The following PTPN9 variants were observed in gnomAD, a reference collection of about 807,000 sequenced individuals.
PTPN9 encodes protein tyrosine phosphatase non-receptor type 9.
PTPN9 carries 26 observed loss-of-function variants against 69.8 expected under a neutral mutation model. The observed-to-expected ratio is 0.37, with a 90% CI of 0.27 to 0.52. The LOEUF (loss-of-function observed/expected upper bound fraction) is 0.52, where lower values mean the gene tolerates loss of function less well. PTPN9 is among the 20% of genes least tolerant of loss of function. The pLI is 0.91. For missense variants in PTPN9, 549 were observed against 740.3 expected, an observed-to-expected ratio of 0.74 and a Z score of 3.00; for synonymous variants, 274 against 272.5, an observed-to-expected ratio of 1.01 and a Z score of -0.05.
intron 1 of PTPN9, among the ~76,000 whole-genome samples, chr15:75,567,174 C>T (rs1281240365): frequency 1.3e-5 from 2 of 152,022 alleles, no homozygotes; most frequent in East Asian, 3.9e-4. Context: ...CACCACCATG[C>T]CTGGCTAATT....
intron 1 of PTPN9, among the ~76,000 whole-genome samples, chr15:75,570,535 C>G (rs1450836587): frequency 6.6e-6 from 1 of 152,070 alleles, no homozygotes; most frequent in Non-Finnish European, 1.5e-5. Flanking sequence ...TTTGGGAGGC[C>G]GAGGCAGGAG....
intron 1 of PTPN9, among the ~76,000 whole-genome samples, chr15:75,528,200 A>T (rs1297526094): frequency 1.3e-5 from 2 of 151,932 alleles, no homozygotes; most frequent in Admixed American, 1.3e-4. Context: ...GGGGAGGAAA[A>T]TTTTCATTTT....
intron 1 of PTPN9, among the ~76,000 whole-genome samples, chr15:75,537,732 C>T (rs1251819541): frequency 4.4e-5 from 3 of 68,204 alleles, no homozygotes. Context: ...TCCAGCAGGG[C>T]AACAGAGGGA....
chr15:75,471,595 T>G (rs1446542975), intron 10 of PTPN9, among the ~76,000 whole-genome samples: 1 of 130,860 alleles, frequency 7.6e-6, no homozygotes, highest in Non-Finnish European at 1.6e-5. Flanking sequence ...AAAGTGAGAC[T>G]CTGTCTCAAA....
At position 75,578,947 on chromosome 15, in the gene PTPN9, C is replaced by A; in HGVS notation, c.-171G>T. ...CGGCCGCAAACGCCGCTTCTGCTTC[C>A]TTAAGAAAAATCTCTCCGAACTGCC... On this transcript the variant is annotated 5_prime_UTR_variant, in exon 1 of 13. The change creates a new upstream start codon in the 5' untranslated region. Coordinates refer to ENST00000618819, the MANE Select transcript of PTPN9 (RefSeq NM_002833.4). 2 of 314,840 alleles carry A rather than the reference C, an allele frequency of 6.4e-6. No individual in the cohort carries two copies. The highest frequency in any genetic ancestry group is 5.1e-5 in the Admixed American group (1 of 19,646). 19.5% of individuals were successfully genotyped at this position (314,840 alleles called of 1,614,324 possible).
intron 1 of PTPN9, among the ~76,000 whole-genome samples, chr15:75,563,631 A>G (rs2075114156): frequency 6.6e-6 from 1 of 152,196 alleles, no homozygotes; most frequent in Non-Finnish European, 1.5e-5. Context: ...TTATGCAGTC[A>G]ACTGCTGATG....
intron 7 of PTPN9, among the ~76,000 whole-genome samples, chr15:75,494,043 C>T (rs1373513508): frequency 6.6e-6 from 1 of 151,222 alleles, no homozygotes; most frequent in Non-Finnish European, 1.5e-5. Flanking sequence ...TATATTTTGA[C>T]AGCGTTGAGT....
chr15:75,478,722 C>A (rs1021950606), intron 9 of PTPN9, among the ~76,000 whole-genome samples: 5 of 152,204 alleles, frequency 3.3e-5, no homozygotes, highest in African/African-American at 1.2e-4. Flanking sequence ...TTAAAACTGG[C>A]AATACACAAT....
intron 1 of PTPN9, among the ~76,000 whole-genome samples, chr15:75,527,874 G>GA (rs1000350227): frequency 7.3e-5 from 11 of 150,102 alleles, no homozygotes; most frequent in South Asian, 2.1e-4. Flanking sequence ...AAGAAAGAAA[G>GA]AAAAAAAAAG....
rs1440763473 is a variant in PTPN9, at chr15:75,470,011, A to G, written c.1360-12T>C. 1 of 1,598,294 alleles carries G rather than the reference A, an allele frequency of 6.3e-7. No individual in the cohort carries two copies. The highest frequency in any genetic ancestry group is 8.6e-7 in the Non-Finnish European group (1 of 1,165,852). On this transcript the variant is annotated splice_polypyrimidine_tract_variant and intron_variant, in intron 11 of 12. Coordinates refer to ENST00000618819, the MANE Select transcript of PTPN9 (RefSeq NM_002833.4). ...CGTTTCTGCCGTTCCTTAGATAAGA[A>G]AAGAAGTAAACGTTAACAAGGTTAT...
At chr15:75,516,009 A>C (rs1049209713) in intron 5 of PTPN9, among the ~76,000 whole-genome samples, 2 of 152,112 alleles carry the variant, frequency 1.3e-5, no homozygotes, top group Non-Finnish European at 2.9e-5. Context: ...TTAGAAGAGG[A>C]ATTATTAGGG....
At chr15:75,578,592 C>T in intron 1 of PTPN9, 122 bp downstream of exon 1, 1 of 822,796 alleles carries the variant, frequency 1.2e-6, no homozygotes, top group Non-Finnish European at 1.6e-6. Context: ...GCCCGCGAGC[C>T]GGGCACGGGA....
rs2075187341 is a variant in PTPN9, at chr15:75,578,978, C to T, written c.-202G>A. The T allele has an allele frequency of 3.4e-6, 1 of 291,778 alleles. No homozygotes were observed. The highest frequency in any genetic ancestry group is 2.2e-5 in the African/African-American group (1 of 45,026). 18.1% of individuals were successfully genotyped at this position (291,778 alleles called of 1,614,324 possible). A position where few individuals can be genotyped will look rare whatever the true frequency, so the allele number is the denominator to read the frequency against. On this transcript the variant is annotated 5_prime_UTR_variant, in exon 1 of 13. Transcript: ENST00000618819. ...AAAAATCTCTCCGAACTGCCGCTCT[C>T]TTCCGGGAGGAAATCCTTTTTTATA...
chr15:75,521,761 C>G (rs1453568579), intron 4 of PTPN9, among the ~76,000 whole-genome samples: 1 of 152,094 alleles, frequency 6.6e-6, no homozygotes, highest in Non-Finnish European at 1.5e-5. Context: ...GAGGGGCTAC[C>G]AATGAAACAA....
chr15:75,485,327 T>C (rs1391920068), intron 8 of PTPN9, among the ~76,000 whole-genome samples: 1 of 151,700 alleles, frequency 6.6e-6, no homozygotes, highest in Non-Finnish European at 1.5e-5. Context: ...AGGAACTAAC[T>C]TCATGCTTTG....
chr15:75,551,689 T>A (rs1010456884), intron 1 of PTPN9, among the ~76,000 whole-genome samples: 1 of 152,200 alleles, frequency 6.6e-6, no homozygotes, highest in Non-Finnish European at 1.5e-5. Context: ...GGAGGCTTAC[T>A]AGACCTCATC....
chr15:75,520,463 T>TAGAC (rs925961691), intron 4 of PTPN9, among the ~76,000 whole-genome samples: 7 of 138,806 alleles, frequency 5.0e-5, no homozygotes, highest in Admixed American at 3.6e-4. Context: ...GATAGATAGA[T>TAGAC]AGATAGATAG....
At chr15:75,508,168 C>T (rs2074829838) in intron 6 of PTPN9, among the ~76,000 whole-genome samples, 1 of 151,170 alleles carries the variant, frequency 6.6e-6, no homozygotes, top group Non-Finnish European at 1.5e-5. Context: ...CAATCAGTAA[C>T]TGAGACCATA....
At chr15:75,564,725 G>C (rs1265509803) in intron 1 of PTPN9, among the ~76,000 whole-genome samples, 1 of 152,098 alleles carries the variant, frequency 6.6e-6, no homozygotes, top group Non-Finnish European at 1.5e-5. Context: ...GGGAGGGCAA[G>C]GTAGGAGGAT....
Sources: gnomAD v4.1 joint callset for allele counts (sites outside exome capture counted in the v4.1 genomes callset) on GRCh38, gnomAD v4.1.1 for gene constraint, MANE v1.5 for transcripts, NCBI Gene and HGNC (gene_info 2026-07-23, HGNC 2026-07-21) for gene names.